The following PTPRR variants were observed in gnomAD, a reference collection of about 807,000 sequenced individuals.
The protein encoded by PTPRR is receptor-type tyrosine-protein phosphatase R.
Under a neutral mutation model 77.2 loss-of-function variants are expected in PTPRR, and 38 were observed. That is an observed-to-expected ratio of 0.49 (90% confidence interval 0.38 to 0.65). The LOEUF (loss-of-function observed/expected upper bound fraction) is 0.65, where lower values mean the gene tolerates loss of function less well. PTPRR is among the 30% of genes least tolerant of loss of function. PTPRR has a pLI of 0.00. For synonymous variants in PTPRR, 299 were observed against 283.1 expected (o/e 1.06, Z -0.57); for missense variants, 744 against 799.2 (o/e 0.93, Z 0.83).
intron 2 of PTPRR, among the ~76,000 whole-genome samples, chr12:70,769,783 A>G (rs1890923259): frequency 6.6e-6 from 1 of 151,978 alleles, no homozygotes; most frequent in African/African-American, 2.4e-5. Context: ...CAGTAAACAA[A>G]ACAGCATGGT....
chr12:70,662,492 T>C lies in PTPRR; in HGVS notation c.1608+3A>G. On this transcript the variant is annotated splice_donor_region_variant and intron_variant, in intron 11 of 13. Transcript: ENST00000283228. ...GTAGATGGCTATAGCTACATAATCT[T>C]ACCTTTAAGACAAGGTTTCGAATGG... 1 of 1,562,748 alleles carries C rather than the reference T, an allele frequency of 6.4e-7. No homozygotes were observed. The highest frequency in any genetic ancestry group is 2.3e-5 in the East Asian group (1 of 44,426).
chr12:70,657,517 C>T (rs1204140791), intron 12 of PTPRR, among the ~76,000 whole-genome samples: 1 of 152,168 alleles, frequency 6.6e-6, no homozygotes, highest in African/African-American at 2.4e-5. Flanking sequence ...CGTGCTCTCT[C>T]TGTCTCTGTC....
At chr12:70,913,996 CA>C (rs1893738788) in intron 1 of PTPRR, among the ~76,000 whole-genome samples, 1 of 151,922 alleles carries the variant, frequency 6.6e-6, no homozygotes, top group African/African-American at 2.4e-5. Context: ...AGTACATTGA[CA>C]GGGGAATATA....
At chr12:70,695,648 TA>T (rs1174804734) in intron 8 of PTPRR, among the ~76,000 whole-genome samples, 1 of 152,204 alleles carries the variant, frequency 6.6e-6, no homozygotes, top group Non-Finnish European at 1.5e-5. Context: ...CAAATCCTTC[TA>T]AAATTAGATG....
chr12:70,789,413 A>G (rs1891386261), intron 2 of PTPRR, among the ~76,000 whole-genome samples: 1 of 152,110 alleles, frequency 6.6e-6, no homozygotes. Context: ...AGCATGACTT[A>G]GAAACAAGGG....
intron 10 of PTPRR, among the ~76,000 whole-genome samples, chr12:70,670,097 A>T (rs1887163845): frequency 6.6e-6 from 1 of 152,252 alleles, no homozygotes; most frequent in Non-Finnish European, 1.5e-5. Flanking sequence ...TGAATAAGTC[A>T]ATGGGCAAAA....
chr12:70,778,862 T>C (rs955695267), intron 2 of PTPRR, among the ~76,000 whole-genome samples: 1 of 152,226 alleles, frequency 6.6e-6, no homozygotes, highest in Non-Finnish European at 1.5e-5. Flanking sequence ...GTTTGTTTTT[T>C]AGACAGAGTT....
chr12:70,817,104 T>C (rs771573274), intron 2 of PTPRR, among the ~76,000 whole-genome samples: 1 of 152,198 alleles, frequency 6.6e-6, no homozygotes, highest in Non-Finnish European at 1.5e-5. Flanking sequence ...TGTGTTATAC[T>C]TTTTAATTCA....
At chr12:70,674,338 T>A (rs1887362280) in intron 10 of PTPRR, among the ~76,000 whole-genome samples, 1 of 152,224 alleles carries the variant, frequency 6.6e-6, no homozygotes. Context: ...AACTTAAGTC[T>A]GTTGCTTAGA....
At chr12:70,821,015 G>A (rs1464835636) in intron 2 of PTPRR, among the ~76,000 whole-genome samples, 2 of 152,062 alleles carry the variant, frequency 1.3e-5, no homozygotes, top group East Asian at 3.9e-4. Context: ...TTTTCTTACT[G>A]TTTTAACAAG....
chr12:70,685,374 A>C (rs1887824530), intron 8 of PTPRR, among the ~76,000 whole-genome samples: 1 of 149,202 alleles, frequency 6.7e-6, no homozygotes, highest in Non-Finnish European at 1.5e-5. Flanking sequence ...GGCTGGGCAC[A>C]GTGGCTTACA....
chr12:70,886,791 C>T lies in PTPRR; in HGVS notation c.357+5888G>A, dbSNP rs577729548. Among the ~76,000 whole-genome samples the T allele has an allele frequency of 3.9e-5, 6 of 152,192 alleles. No homozygotes were observed. In the South Asian group the frequency reaches 6.2e-4, roughly 16 times the overall value. On this transcript the variant is annotated intron_variant, in intron 2 of 13. Coordinates refer to ENST00000283228, the MANE Select transcript of PTPRR (RefSeq NM_002849.4). The stretch of plus-strand genomic sequence containing the variant: ...TTTTGAATTGTGTTTCTTTTGGCAT[C>T]AACTCATTCTTTCATCAAATAAATA...
At chr12:70,891,647 C>T (rs902855918) in intron 2 of PTPRR, among the ~76,000 whole-genome samples, 2 of 151,968 alleles carry the variant, frequency 1.3e-5, no homozygotes, top group Admixed American at 1.3e-4. Context: ...GTCTCTGTTT[C>T]CAGATATCCC....
At chr12:70,706,321 T>C (rs890727739) in intron 6 of PTPRR, among the ~76,000 whole-genome samples, 5 of 152,036 alleles carry the variant, frequency 3.3e-5, no homozygotes, top group Non-Finnish European at 7.4e-5. Context: ...GAAAGTTAAA[T>C]TGTGACATAA....
rs563099571 is a variant in PTPRR at position 70,655,388 on chromosome 12, T to G, written c.1880+1316A>C. 6.6e-5 allele frequency among the ~76,000 whole-genome samples: 10 copies of G among 152,320 alleles called. No homozygotes were observed. In the East Asian group the frequency reaches 1.7e-3, roughly 26 times the overall value. ...TCCGTATGATCCATCAATCCCACTTTTTGGGTATATACTCAAAAGAATTGA... is the reference window on the plus strand; with the variant it reads ...TCCGTATGATCCATCAATCCCACTTGTTGGGTATATACTCAAAAGAATTGA... On this transcript the variant is annotated intron_variant, in intron 13 of 13. Transcript: ENST00000283228.
At chr12:70,865,939 G>A (rs1892837317) in intron 2 of PTPRR, among the ~76,000 whole-genome samples, 1 of 152,126 alleles carries the variant, frequency 6.6e-6, no homozygotes, top group Non-Finnish European at 1.5e-5. Context: ...GAAATACTGG[G>A]TAGATAACGA....
intron 6 of PTPRR, among the ~76,000 whole-genome samples, chr12:70,721,293 A>G (rs1194669848): frequency 6.6e-6 from 1 of 152,200 alleles, no homozygotes; most frequent in Non-Finnish European, 1.5e-5. Flanking sequence ...TTGCACATAT[A>G]TAAAACTTCT....
chr12:70,782,621 T>G (rs369733534), intron 2 of PTPRR, among the ~76,000 whole-genome samples: 2 of 151,408 alleles, frequency 1.3e-5, no homozygotes, highest in African/African-American at 4.9e-5. Flanking sequence ...TTCTCACTCA[T>G]AGTGGGAATT....
intron 2 of PTPRR, among the ~76,000 whole-genome samples, chr12:70,784,058 G>A (rs1891267087): frequency 7.9e-6 from 1 of 126,342 alleles, no homozygotes; most frequent in South Asian, 2.3e-4. Context: ...AGGGATGCCT[G>A]GGTCTGCGGT....
Sources: allele counts gnomAD v4.1 joint callset (sites outside exome capture counted in the v4.1 genomes callset), GRCh38; gene constraint gnomAD v4.1.1; transcripts MANE v1.5; gene names NCBI Gene and HGNC (gene_info 2026-07-23, HGNC 2026-07-21).